Variants in MDGA2 observed in about 807,000 individuals in gnomAD.
The protein encoded by MDGA2 is MAM domain containing glycosylphosphatidylinositol anchor 2, also known as MAM domain-containing glycosylphosphatidylinositol anchor protein 2.
A neutral mutation model predicts 117.8 loss-of-function variants in MDGA2; 40 were observed. That is an observed-to-expected ratio of 0.34 (90% CI 0.26 to 0.44). The LOEUF (loss-of-function observed/expected upper bound fraction) is 0.44, where lower values mean the gene tolerates loss of function less well. Among genes scored for constraint, MDGA2 ranks in the 20% least tolerant of loss-of-function variants. The probability of loss-of-function intolerance (pLI) is 1.00; values close to 1 mark genes in which losing one functional copy is unlikely to be tolerated. For missense variants in MDGA2, 1,123 were observed against 1,250.6 expected, an observed-to-expected ratio of 0.90 and a Z score of 1.54; for synonymous variants, 452 against 439.0, an observed-to-expected ratio of 1.03 and a Z score of -0.37.
At chr14:46,957,090 T>C (rs1278654741) in intron 9 of MDGA2, among the ~76,000 whole-genome samples, 1 of 152,164 alleles carries the variant, frequency 6.6e-6, no homozygotes, top group East Asian at 1.9e-4. Context: ...CAGGTAGTTC[T>C]TTATAGCACT....
chr14:47,203,161 C>G (rs1367107868), intron 3 of MDGA2, among the ~76,000 whole-genome samples: 2 of 151,938 alleles, frequency 1.3e-5, no homozygotes, highest in African/African-American at 4.8e-5. Context: ...TTGGCTATAA[C>G]AAGGTAGAAG....
chr14:47,305,775 A>G (rs556839610), intron 1 of MDGA2, among the ~76,000 whole-genome samples: 1 of 152,332 alleles, frequency 6.6e-6, no homozygotes, highest in Admixed American at 6.5e-5. Context: ...ATTTAAAATT[A>G]TATGATAATT....
intron 3 of MDGA2, among the ~76,000 whole-genome samples, chr14:47,172,216 C>A (rs1020050153): frequency 3.3e-5 from 5 of 152,184 alleles, no homozygotes; most frequent in African/African-American, 1.2e-4. Context: ...CCTCTGGGGG[C>A]AGGGCACAGA....
chr14:47,584,213 G>A (rs1438687893), intron 1 of MDGA2, among the ~76,000 whole-genome samples: 2 of 151,816 alleles, frequency 1.3e-5, no homozygotes, highest in East Asian at 3.9e-4. Flanking sequence ...TCTATTATCT[G>A]CACATTGTGC....
At chr14:47,460,753 T>G (rs1216641669) in intron 1 of MDGA2, among the ~76,000 whole-genome samples, 1 of 152,126 alleles carries the variant, frequency 6.6e-6, no homozygotes, top group Non-Finnish European at 1.5e-5. Context: ...AGGTGGTGAT[T>G]GTCAAATAGA....
Position 47,674,661 on chromosome 14 carries a change from A to C in MDGA2, c.136T>G (p.Trp46Gly), listed in dbSNP as rs752343861. The C allele has an allele frequency of 1.3e-5, 19 of 1,436,518 alleles. No individual in the cohort carries two copies. In the East Asian group the frequency reaches 4.2e-4, roughly 32 times the overall value. The allele number at this position is 1,436,518 out of a possible 1,614,324, so 89.0% of individuals were successfully genotyped here. A position where few individuals can be genotyped will look rare whatever the true frequency, so the allele number is the denominator to read the frequency against. ...ACCTTCAGGAGGCCGGCGGCCAGCC[A>C]GGCGCGCTCCACTCGCGCCCGGGCC... ...GLARARVERA[W>G]LAAGLLKVPL... Residue 46 changes from tryptophan to glycine, a missense_variant, in exon 1 of 17, where the codon TGG becomes GGG. This residue lies in a region of MDGA2 where 233 missense variants were observed against 200.3 expected (regional missense o/e 1.16). Coordinates refer to ENST00000399232, the MANE Select transcript of MDGA2 (RefSeq NM_001113498.3).
chr14:46,982,747 T>C (rs1886728182), intron 8 of MDGA2, among the ~76,000 whole-genome samples: 4 of 140,292 alleles, frequency 2.9e-5, no homozygotes. Context: ...TCATGTCATC[T>C]GCAACCAGGG....
chr14:46,870,359 G>A (rs1431323986), intron 14 of MDGA2, among the ~76,000 whole-genome samples: 1 of 151,880 alleles, frequency 6.6e-6, no homozygotes, highest in Non-Finnish European at 1.5e-5. Context: ...CTTTGAATCT[G>A]GATTTCCAAA....
chr14:47,092,548 A>G (rs1879718552), intron 6 of MDGA2, among the ~76,000 whole-genome samples: 1 of 152,140 alleles, frequency 6.6e-6, no homozygotes, highest in Non-Finnish European at 1.5e-5. Context: ...TTCCAAACCC[A>G]AGGTGGAGAA....
In MDGA2 at chr14:47,279,658, T is replaced by A. The variant is rs548016407; in HGVS notation, c.420+21753A>T. On this transcript the variant is annotated intron_variant, in intron 2 of 16. Coordinates refer to ENST00000399232, the MANE Select transcript of MDGA2 (RefSeq NM_001113498.3). ...GGCTTCCCTATCCTGTGATTTTTTT[T>A]AAAAAAAAATCATGTTTTCCTCTAG... is the stretch of plus-strand genomic sequence containing the variant. 2.7e-3 allele frequency among the ~76,000 whole-genome samples: 408 copies of A among 150,136 alleles called. 3 individuals are homozygous for A. Among genetic ancestry groups the A allele is most frequent in the South Asian group, 8.1e-3 (38 of 4,680 alleles).
Position 47,565,423 on chromosome 14 carries a change from T to C in MDGA2, c.280+109094A>G, listed in dbSNP as rs143457030. On this transcript the variant is annotated intron_variant, in intron 1 of 16. Coordinates refer to ENST00000399232, the MANE Select transcript of MDGA2 (RefSeq NM_001113498.3). ...AGGGCCAAGGTTCAGCTCAGTATTA[T>C]TGGGCTGTGTACTTTAACTTTGGGG... 6.2e-4 allele frequency among the ~76,000 whole-genome samples: 94 copies of C among 152,304 alleles called. 1 individual carries two copies. Among genetic ancestry groups the C allele is most frequent in the African/African-American group, 2.1e-3 (89 of 41,564 alleles).
At chr14:47,352,477 A>G (rs1400408839) in intron 1 of MDGA2, among the ~76,000 whole-genome samples, 1 of 150,068 alleles carries the variant, frequency 6.7e-6, no homozygotes, top group African/African-American at 2.5e-5. Context: ...TTTTGGACTC[A>G]GCCCACCGGC....
At position 47,180,139 on chromosome 14, in the gene MDGA2, A is replaced by G. The variant is rs537986132; in HGVS notation, c.596-35865T>C. 4.5e-4 allele frequency among the ~76,000 whole-genome samples: 69 copies of G among 152,172 alleles called. 1 individual carries two copies. Among genetic ancestry groups the G allele is most frequent in the African/African-American group, 1.6e-3 (66 of 41,516 alleles). On this transcript the variant is annotated intron_variant, in intron 3 of 16. Transcript: ENST00000399232. ...ATTATTGCATCATCCAGGTATATTG[A>G]GCCTAGTACCCATTAGTTATTTTTC...
intron 10 of MDGA2, among the ~76,000 whole-genome samples, chr14:46,905,051 A>C (rs1013280343): frequency 6.6e-6 from 1 of 152,222 alleles, no homozygotes; most frequent in African/African-American, 2.4e-5. Context: ...GCCCTATTCA[A>C]ACCAGACAAC....
chr14:46,925,634 A>C (rs891595269), intron 9 of MDGA2, among the ~76,000 whole-genome samples: 1 of 141,082 alleles, frequency 7.1e-6, no homozygotes, highest in Non-Finnish European at 1.5e-5. Context: ...TCTACCTCAA[A>C]AAAAAAAAAA....
chr14:47,446,455 AG>A (rs923637724), intron 1 of MDGA2, among the ~76,000 whole-genome samples: 26 of 149,094 alleles, frequency 1.7e-4, no homozygotes, highest in African/African-American at 6.4e-4. Context: ...GTCATATTAT[AG>A]GTTTCCCCTT....
rs185702307 is a variant in MDGA2 at position 47,028,667 on chromosome 14, A to T, written c.1819+6344T>A. On this transcript the variant is annotated intron_variant, in intron 8 of 16. Transcript: ENST00000399232. ...TAGCTAGGACTTAAATGGCAAAAAG[A>T]TTGGAAGAATTGTTATAAACAGAAG... Among the ~76,000 whole-genome samples the T allele has an allele frequency of 2.0e-5, 3 of 152,268 alleles. No homozygotes were observed. In the East Asian group the frequency reaches 5.8e-4, roughly 29 times the overall value.
At chr14:47,041,754 A>G (rs1889079397) in intron 7 of MDGA2, among the ~76,000 whole-genome samples, 1 of 152,078 alleles carries the variant, frequency 6.6e-6, no homozygotes, top group African/African-American at 2.4e-5. Context: ...TTCATTGGGA[A>G]GGCAGCTGAG....
chr14:46,902,782 T>C (rs988706718), intron 10 of MDGA2, among the ~76,000 whole-genome samples: 2 of 152,222 alleles, frequency 1.3e-5, no homozygotes, highest in Admixed American at 6.5e-5. Context: ...AATTTTATGG[T>C]AGAGAATATA....
Sources: gnomAD v4.1 joint callset for allele counts (sites outside exome capture counted in the v4.1 genomes callset) on GRCh38, gnomAD v4.1.1 for gene constraint, gnomAD v4.1.1 regional missense constraint, MANE v1.5 for transcripts, NCBI Gene and HGNC (gene_info 2026-07-23, HGNC 2026-07-21) for gene names.